Variants in SLC43A2 observed in about 807,000 individuals in gnomAD.
The protein encoded by SLC43A2 is solute carrier family 43 member 2.
In SLC43A2, 38 loss-of-function variants were observed where a neutral mutation model predicts 63.2. The ratio of observed to expected loss-of-function variants is 0.60; its 90% CI spans 0.46 to 0.79. SLC43A2 has a LOEUF of 0.79. SLC43A2 is among the 30% of genes least tolerant of loss of function. SLC43A2 has a pLI of 0.00. For missense variants in SLC43A2, 644 were observed against 756.2 expected, an observed-to-expected ratio of 0.85 and a Z score of 1.74; for synonymous variants, 322 against 331.0, an observed-to-expected ratio of 0.97 and a Z score of 0.30.
chr17:1,605,470 G>A lies in SLC43A2; in HGVS notation c.501+7725C>T, dbSNP rs1906517053. Among the ~76,000 whole-genome samples the A allele has an allele frequency of 6.6e-6, 1 of 152,164 alleles. No homozygotes were observed. Among genetic ancestry groups the A allele is most frequent in the Non-Finnish European group, 1.5e-5 (1 of 68,014 alleles). On this transcript the variant is annotated intron_variant, in intron 5 of 13. Transcript: ENST00000301335. The surrounding 1 kb of genome is among the most constrained non-coding windows in gnomAD (Gnocchi z 4.9). ...GGGCAGGCCATGGCATTGCTGGCAG[G>A]CAGAAACAAGGGGCAACCGTGGCAC... is the stretch of plus-strand genomic sequence containing the variant.
chr17:1,594,989 C>T (rs1425613097), intron 5 of SLC43A2, among the ~76,000 whole-genome samples: 2 of 151,866 alleles, frequency 1.3e-5, no homozygotes, highest in Non-Finnish European at 2.9e-5. Flanking sequence ...CCAGCCTGGA[C>T]AACATGGCGA....
chr17:1,613,062 T>C, intron 5 of SLC43A2, 133 bp downstream of exon 5: 1 of 769,998 alleles, frequency 1.3e-6, no homozygotes. Flanking sequence ...ACCTCGCCCA[T>C]AGCCCCTCTA....
chr17:1,592,066 G>A (rs1186135426), intron 6 of SLC43A2, among the ~76,000 whole-genome samples: 2 of 152,244 alleles, frequency 1.3e-5, no homozygotes, highest in Admixed American at 6.5e-5. Flanking sequence ...CTGAAGGCGG[G>A]AACCGGCCAG....
At chr17:1,598,953 G>T (rs1235205513) in intron 5 of SLC43A2, among the ~76,000 whole-genome samples, 1 of 152,200 alleles carries the variant, frequency 6.6e-6, no homozygotes, top group Non-Finnish European at 1.5e-5. Context: ...TGGTCAGCAG[G>T]GCCATTCCTT....
intron 9 of SLC43A2, among the ~76,000 whole-genome samples, chr17:1,589,155 A>G (rs1904509457): frequency 6.6e-6 from 1 of 152,170 alleles, no homozygotes; most frequent in African/African-American, 2.4e-5. Context: ...GACTTTTTGA[A>G]CATACGAAAC....
intron 5 of SLC43A2, among the ~76,000 whole-genome samples, chr17:1,594,773 A>C (rs1008536002): frequency 5.9e-5 from 9 of 151,704 alleles, no homozygotes; most frequent in Non-Finnish European, 8.8e-5. Flanking sequence ...TATTTTCAGT[A>C]GAGACGGGGT....
chr17:1,603,605 G>A (rs1906288184), intron 5 of SLC43A2, among the ~76,000 whole-genome samples: 1 of 152,076 alleles, frequency 6.6e-6, no homozygotes. Context: ...CCAATACGGT[G>A]AAACCCCATC....
rs573674653 is a variant in SLC43A2 at position 1,609,218 on chromosome 17, T to G, written c.501+3977A>C. ...GCCTGTGGTGGCAGGCAGGCTTTTT[T>G]TTGAGACAGAATTTCACTCGTCGCC... On this transcript the variant is annotated intron_variant, in intron 5 of 13. Coordinates refer to ENST00000301335, the MANE Select transcript of SLC43A2 (RefSeq NM_152346.3). Among the ~76,000 whole-genome samples, 40 of 152,218 alleles carry G rather than the reference T, an allele frequency of 2.6e-4. No individual in the cohort carries two copies. The South Asian group carries it at 7.9e-3, about 30-fold the overall frequency.
chr17:1,598,116 G>T (rs1189096119), intron 5 of SLC43A2, among the ~76,000 whole-genome samples: 1 of 151,932 alleles, frequency 6.6e-6, no homozygotes, highest in Non-Finnish European at 1.5e-5. Context: ...AGCACAGCCG[G>T]CGCAAAGAAA....
intron 2 of SLC43A2, among the ~76,000 whole-genome samples, chr17:1,618,531 G>A (rs1456917948): frequency 6.6e-6 from 1 of 152,250 alleles, no homozygotes; most frequent in Non-Finnish European, 1.5e-5. Context: ...TGCAGTGGCT[G>A]TGGGGAGCAC....
At position 1,577,334 on chromosome 17, in the gene SLC43A2, A is replaced by G. The variant is rs927116880; in HGVS notation, c.1425-614T>C. ...GGTTTGGGAAACAGGCCCAGAGAGGAGTGTGGAGGCTGGGCTTGGCTCTGC... is the reference window on the plus strand; with the variant it reads ...GGTTTGGGAAACAGGCCCAGAGAGGGGTGTGGAGGCTGGGCTTGGCTCTGC... On this transcript the variant is annotated intron_variant, in intron 12 of 13. Coordinates refer to ENST00000301335, the MANE Select transcript of SLC43A2 (RefSeq NM_152346.3). The surrounding 1 kb of genome is among the most constrained non-coding windows in gnomAD (Gnocchi z 4.9). 3.3e-5 allele frequency among the ~76,000 whole-genome samples: 5 copies of G among 152,092 alleles called. No homozygotes were observed. Among genetic ancestry groups the G allele is most frequent in the African/African-American group, 9.7e-5 (4 of 41,410 alleles).
rs552396446 is a variant in SLC43A2 at position 1,582,943 on chromosome 17, A to T, written c.1350+261T>A. ...AAAATACAAAAATTAGCTGGGCGTG[A>T]TGGTGCGCACCTGTAATCCCAGCTA... On this transcript the variant is annotated intron_variant, in intron 11 of 13. Coordinates refer to ENST00000301335, the MANE Select transcript of SLC43A2 (RefSeq NM_152346.3). Among the ~76,000 whole-genome samples, 32 of 152,182 alleles carry T rather than the reference A, an allele frequency of 2.1e-4. No individual in the cohort carries two copies. The East Asian group carries it at 6.0e-3, about 28-fold the overall frequency.
chr17:1,581,202 C>CACACACACACA (rs2076007118), intron 11 of SLC43A2, among the ~76,000 whole-genome samples: 1 of 148,364 alleles, frequency 6.7e-6, no homozygotes, highest in Non-Finnish European at 1.5e-5. Flanking sequence ...TGCCCAGTGC[C>CACACACACACA]CACACACACA....
At chr17:1,589,992 G>T (rs1274169120) in intron 9 of SLC43A2, among the ~76,000 whole-genome samples, 2 of 152,142 alleles carry the variant, frequency 1.3e-5, no homozygotes, top group Non-Finnish European at 2.9e-5. Context: ...GATAAAGCTG[G>T]ATTTCTCATC....
chr17:1,628,398 A>T (rs944617870), intron 1 of SLC43A2: 1 of 150,260 alleles, frequency 6.7e-6, no homozygotes, highest in African/African-American at 2.5e-5. Flanking sequence ...CTTCAACCAC[A>T]AGATCAGCGC....
intron 13 of SLC43A2, among the ~76,000 whole-genome samples, chr17:1,576,051 GGGCGGGGACAGGAACTGT>G (rs1567605087): frequency 1.3e-5 from 2 of 152,006 alleles, no homozygotes; most frequent in Non-Finnish European, 2.9e-5. Context: ...CTCGGAGGTG[GGGCGGGGACAGGAACTGT>G]GTTCTTTTTT....
chr17:1,576,790 C>A (rs985824986), intron 12 of SLC43A2, 70 bp from the exon 13 acceptor site: 165 of 1,570,084 alleles, frequency 1.1e-4, no homozygotes, highest in Non-Finnish European at 1.3e-4. Flanking sequence ...TGTCTGGTGA[C>A]CCCGGGCTGC....
At position 1,576,446 on chromosome 17, in the gene SLC43A2, T is replaced by C. The variant is rs998698129; in HGVS notation, c.1548+151A>G. On this transcript the variant is annotated intron_variant, in intron 13 of 13. Coordinates refer to ENST00000301335, the MANE Select transcript of SLC43A2 (RefSeq NM_152346.3). Reference sequence around the variant, plus strand: ...GAGAGGACATGTTCCTTTTCCTGCCTAGCCACCATTCACAAAGGGACTCTT... The same window carrying C: ...GAGAGGACATGTTCCTTTTCCTGCCCAGCCACCATTCACAAAGGGACTCTT... 3.6e-6 allele frequency: 3 copies of C among 828,622 alleles called. No individual in the cohort carries two copies. The African/African-American group carries it at 5.1e-5, about 14-fold the overall frequency. The allele number at this position is 828,622 out of a possible 1,614,324, so 51.3% of individuals were successfully genotyped here. A position where few individuals can be genotyped will look rare whatever the true frequency, so the allele number is the denominator to read the frequency against.
chr17:1,627,646 G>GCCCCCCAGCCCCCCCCC, intron 2 of SLC43A2, 69 bp downstream of exon 2: 1 of 733,230 alleles, frequency 1.4e-6, no homozygotes, highest in Non-Finnish European at 2.1e-6. Flanking sequence ...CTAGGTCTTC[G>GCCCCCCAGCCCCCCCCC]CCCCCATCCC....
Sources: gnomAD v4.1 joint callset for allele counts (sites outside exome capture counted in the v4.1 genomes callset) on GRCh38, gnomAD v4.1.1 for gene constraint, Gnocchi (gnomAD v3.1) non-coding constraint, MANE v1.5 for transcripts, NCBI Gene and HGNC (gene_info 2026-07-23, HGNC 2026-07-21) for gene names.